Variants in SLIT1 observed in about 807,000 individuals in gnomAD.
SLIT1 encodes the protein slit homolog 1 protein.
In SLIT1, 66 loss-of-function variants were observed where a neutral mutation model predicts 186.1. The ratio of observed to expected loss-of-function variants is 0.35; its 90% confidence interval spans 0.29 to 0.44. The LOEUF (loss-of-function observed/expected upper bound fraction) is 0.44. Among genes scored for constraint, SLIT1 ranks in the 20% least tolerant of loss-of-function variants. The pLI is 1.00. For missense variants in SLIT1, 1,638 were observed against 2,037.4 expected, an observed-to-expected ratio of 0.80 and a Z score of 3.77; for synonymous variants, 761 against 833.8, an observed-to-expected ratio of 0.91 and a Z score of 1.50.
At chr10:97,003,880 T>A (rs1848334509) in intron 34 of SLIT1, among the ~76,000 whole-genome samples, 188 bp downstream of exon 34, 1 of 152,188 alleles carries the variant, frequency 6.6e-6, no homozygotes, top group African/African-American at 2.4e-5. Context: ...TCCATCCTCC[T>A]TGGTCAGTCT....
chr10:97,030,802 G>A lies in SLIT1; in HGVS notation c.2537C>T (p.Thr846Ile). 6.2e-7 allele frequency: 1 copy of A among 1,614,108 alleles called. No homozygotes were observed. Among genetic ancestry groups the A allele is most frequent in the Non-Finnish European group, 8.5e-7 (1 of 1,180,000 alleles). Residue 846 changes from threonine (T) to isoleucine (I), a missense_variant, in exon 25 of 37, where the codon ACC (threonine) becomes ATC (isoleucine). Around this residue, in one of 3 missense-constraint regions of SLIT1, gnomAD observed 1,245 missense variants for 1,535.3 expected, o/e 0.81. Coordinates refer to ENST00000266058, the MANE Select transcript of SLIT1 (RefSeq NM_003061.3). ...GTCTGCAAAGATGCCCTCTTGGAGG[G>A]TGGAGATGTCATTGCCGTGGAGAGA... Reference protein sequence around the residue: ...LLSLHGNDISTLQEGIFADVT... With the variant: ...LLSLHGNDISILQEGIFADVT...
At chr10:97,002,416 C>A (rs1206386910) in intron 35 of SLIT1, 47 bp from the exon 36 acceptor site, 3 of 1,440,406 alleles carry the variant, frequency 2.1e-6, no homozygotes, top group Non-Finnish European at 1.9e-6. Context: ...CCCAGCCAAG[C>A]CCCACCTGAC....
chr10:97,023,217 A>ATTT (rs575450528), intron 25 of SLIT1, among the ~76,000 whole-genome samples: 2 of 133,422 alleles, frequency 1.5e-5, no homozygotes, highest in Non-Finnish European at 3.2e-5. Flanking sequence ...CGCCCACCTA[A>ATTT]TTTTTTTTTT....
Position 97,010,561 on chromosome 10 carries a change from T to C in SLIT1, c.3341+432A>G, listed in dbSNP as rs1848401734. 6.6e-6 allele frequency among the ~76,000 whole-genome samples: 1 copy of C among 152,188 alleles called. No individual in the cohort carries two copies. Among genetic ancestry groups the C allele is most frequent in the South Asian group, 2.1e-4 (1 of 4,834 alleles). ...GTAACTGTGTAAACTGTATGGTACA[T>C]GAATTATATCTCAATAAAGCTATTT... On this transcript the variant is annotated intron_variant, in intron 31 of 36. Transcript: ENST00000266058. The surrounding 1 kb of genome is among the most constrained non-coding windows in gnomAD (Gnocchi z 4.8).
chr10:97,034,561 TC>T lies in SLIT1; in HGVS notation c.2367-20del. 1.2e-6 allele frequency: 2 copies of T among 1,608,374 alleles called. No individual in the cohort carries two copies. Among genetic ancestry groups the T allele is most frequent in the Non-Finnish European group, 1.7e-6 (2 of 1,175,006 alleles). Reference sequence around the variant, plus strand: ...CAGGTCCCTGGAAAAGGCAAAGGCATCATGATTTAGAAAGAACTCACTCAGC... The same window carrying T: ...CAGGTCCCTGGAAAAGGCAAAGGCATATGATTTAGAAAGAACTCACTCAGC... On this transcript the variant is annotated intron_variant, in intron 22 of 36. Transcript: ENST00000266058.
intron 4 of SLIT1, among the ~76,000 whole-genome samples, chr10:97,132,791 C>T (rs981746137): frequency 2.0e-5 from 3 of 152,196 alleles, no homozygotes; most frequent in African/African-American, 7.2e-5. Flanking sequence ...GCCTCAATCT[C>T]CAGGGCCGGT....
At chr10:97,069,453 T>A (rs1270047689) in intron 4 of SLIT1, among the ~76,000 whole-genome samples, 6 of 152,222 alleles carry the variant, frequency 3.9e-5, no homozygotes, top group Non-Finnish European at 8.8e-5. Flanking sequence ...AAGCTGATGG[T>A]CTGCTGGGGA....
At position 97,159,268 on chromosome 10, in the gene SLIT1, C is replaced by T. The variant is rs559460639; in HGVS notation, c.342-1379G>A. 7.9e-5 allele frequency among the ~76,000 whole-genome samples: 12 copies of T among 152,314 alleles called. No homozygotes were observed. The South Asian group carries it at 2.5e-3, about 32-fold the overall frequency. ...TATGTGAGAAAGGCCATTGCCACCA[C>T]ATTGGGCACCGCCATGTTCCCCAAG... On this transcript the variant is annotated intron_variant, in intron 3 of 36. Transcript: ENST00000266058.
chr10:97,169,469 G>A (rs1002395072), intron 1 of SLIT1, among the ~76,000 whole-genome samples: 6 of 152,220 alleles, frequency 3.9e-5, no homozygotes. Context: ...AATAAGGCAA[G>A]GAGGACATTT....
At chr10:97,158,437 G>A (rs1196586939) in intron 3 of SLIT1, among the ~76,000 whole-genome samples, 2 of 151,990 alleles carry the variant, frequency 1.3e-5, no homozygotes, top group Non-Finnish European at 1.5e-5. Flanking sequence ...CGAGGCGGGC[G>A]GATCACCTGA....
chr10:97,163,247 T>C (rs1388427716), intron 3 of SLIT1, 133 bp downstream of exon 3: 5 of 736,410 alleles, frequency 6.8e-6, no homozygotes, highest in Admixed American at 2.1e-5. Flanking sequence ...CCTGGCTCCA[T>C]CCGCTGGTGG....
intron 4 of SLIT1, 111 bp downstream of exon 4, chr10:97,157,707 C>A: frequency 1.3e-6 from 1 of 796,466 alleles, no homozygotes; most frequent in Non-Finnish European, 2.2e-6. Flanking sequence ...GGGAGGAGCA[C>A]AGGGTCAGGG....
intron 4 of SLIT1, among the ~76,000 whole-genome samples, chr10:97,138,803 CT>C (rs1407948772): frequency 2.0e-5 from 3 of 152,362 alleles, no homozygotes; most frequent in African/African-American, 7.2e-5. Flanking sequence ...GCATCTGTGC[CT>C]GTGAAATACA....
intron 4 of SLIT1, among the ~76,000 whole-genome samples, chr10:97,097,076 G>A (rs1035872679): frequency 2.0e-5 from 3 of 152,166 alleles, no homozygotes; most frequent in African/African-American, 7.2e-5. Flanking sequence ...AAAAGAGGCT[G>A]ACCCTGCCTC....
At chr10:97,041,179 A>G (rs1208468520) in intron 20 of SLIT1, among the ~76,000 whole-genome samples, 12 of 152,198 alleles carry the variant, frequency 7.9e-5, no homozygotes, top group Non-Finnish European at 1.6e-4. Context: ...AGAGTGGAAT[A>G]TATACGTAGG....
chr10:97,142,370 G>T (rs1340962673), intron 4 of SLIT1, among the ~76,000 whole-genome samples: 1 of 152,164 alleles, frequency 6.6e-6, no homozygotes, highest in Non-Finnish European at 1.5e-5. Context: ...ATTTAATGAG[G>T]AAAAGACAGT....
intron 25 of SLIT1, among the ~76,000 whole-genome samples, chr10:97,029,828 T>G (rs1453425596): frequency 5.3e-5 from 8 of 152,210 alleles, no homozygotes; most frequent in Admixed American, 4.6e-4. Context: ...CATTCTACTT[T>G]TTGTCTCTAT....
chr10:97,052,067 A>G (rs1017116869), intron 13 of SLIT1, among the ~76,000 whole-genome samples: 1 of 151,806 alleles, frequency 6.6e-6, no homozygotes, highest in Non-Finnish European at 1.5e-5. Flanking sequence ...TCAGTCACAA[A>G]AGATGGCATA....
chr10:97,050,219 G>T (rs1489843150), intron 13 of SLIT1, among the ~76,000 whole-genome samples: 1 of 152,220 alleles, frequency 6.6e-6, no homozygotes, highest in African/African-American at 2.4e-5. Context: ...CCCTGCCATG[G>T]CCACTTTTCC....
Sources: allele counts gnomAD v4.1 joint callset (sites outside exome capture counted in the v4.1 genomes callset), GRCh38; gene constraint gnomAD v4.1.1; regional missense constraint gnomAD v4.1.1; non-coding constraint Gnocchi (gnomAD v3.1); transcripts MANE v1.5; gene names NCBI Gene and HGNC (gene_info 2026-07-23, HGNC 2026-07-21).